Variants in ATRNL1 observed in about 807,000 individuals in gnomAD.
The protein encoded by ATRNL1 is attractin like 1.
In ATRNL1, 95 loss-of-function variants were observed where a neutral mutation model predicts 182.7. The ratio of observed to expected loss-of-function variants is 0.52; its 90% confidence interval spans 0.44 to 0.62. The LOEUF (loss-of-function observed/expected upper bound fraction) is 0.62. Ranked by LOEUF, ATRNL1 falls within the 20% of genes least tolerant of loss-of-function variation. The pLI, the probability that ATRNL1 is intolerant of heterozygous loss-of-function variation, is 0.00. For missense variants in ATRNL1, 1,471 were observed against 1,679.5 expected, an observed-to-expected ratio of 0.88 and a Z score of 2.17; for synonymous variants, 576 against 568.3, an observed-to-expected ratio of 1.01 and a Z score of -0.19.
intron 24 of ATRNL1, among the ~76,000 whole-genome samples, chr10:115,515,720 A>G (rs1850602941): frequency 6.6e-6 from 1 of 151,786 alleles, no homozygotes; most frequent in Admixed American, 6.6e-5. Flanking sequence ...AATGTTCCAC[A>G]TTCTCCTTAT....
At chr10:115,134,727 A>C (rs183495521) in intron 5 of ATRNL1, among the ~76,000 whole-genome samples, 38 of 152,306 alleles carry the variant, frequency 2.5e-4, no homozygotes, top group African/African-American at 8.2e-4. Context: ...GCAGAGACAC[A>C]ACAAAAAAAG....
At chr10:115,311,467 G>A (rs1017558162) in intron 17 of ATRNL1, among the ~76,000 whole-genome samples, 12 of 152,120 alleles carry the variant, frequency 7.9e-5, no homozygotes, top group African/African-American at 1.4e-4. Flanking sequence ...GATTACAGGC[G>A]TGAGCCACTG....
intron 21 of ATRNL1, among the ~76,000 whole-genome samples, chr10:115,459,058 A>G (rs1554969237): frequency 3.9e-5 from 6 of 152,164 alleles, no homozygotes; most frequent in Non-Finnish European, 1.5e-5. Flanking sequence ...TAAATTGTAA[A>G]GATTTCATGG....
intron 26 of ATRNL1, among the ~76,000 whole-genome samples, chr10:115,726,920 T>C (rs1947615893): frequency 6.6e-6 from 1 of 152,068 alleles, no homozygotes; most frequent in African/African-American, 2.4e-5. Context: ...AAATTTGGCA[T>C]AGCCATCACT....
At chr10:115,539,514 C>T (rs527462480) in intron 25 of ATRNL1, among the ~76,000 whole-genome samples, 1 of 152,232 alleles carries the variant, frequency 6.6e-6, no homozygotes, top group South Asian at 2.1e-4. Flanking sequence ...CTTTAGTGCC[C>T]CCTGACCTGA....
At chr10:115,936,269 A>G (rs1589716483) in intron 28 of ATRNL1, among the ~76,000 whole-genome samples, 1 of 152,186 alleles carries the variant, frequency 6.6e-6, no homozygotes, top group East Asian at 1.9e-4. Context: ...GCGTTTTTTA[A>G]GCCCTTTACA....
intron 10 of ATRNL1, among the ~76,000 whole-genome samples, chr10:115,248,766 G>A (rs996754125): frequency 2.6e-5 from 4 of 151,966 alleles, no homozygotes; most frequent in Admixed American, 6.6e-5. Flanking sequence ...TTGAAGTAGG[G>A]AGCCAAAAAA....
chr10:115,549,268 A>T (rs1014678872), intron 25 of ATRNL1, among the ~76,000 whole-genome samples, 190 bp from the exon 26 acceptor site: 3 of 151,952 alleles, frequency 2.0e-5, no homozygotes, highest in African/African-American at 7.2e-5. Flanking sequence ...AAATATAAAT[A>T]TTTTTTCTAC....
chr10:115,362,818 A>G (rs1285980823), intron 19 of ATRNL1, among the ~76,000 whole-genome samples: 3 of 151,174 alleles, frequency 2.0e-5, no homozygotes, highest in East Asian at 1.9e-4. Flanking sequence ...ATGATTTCCA[A>G]TTTCATCCAT....
chr10:115,370,944 G>A (rs1857362369), intron 19 of ATRNL1, among the ~76,000 whole-genome samples: 1 of 152,160 alleles, frequency 6.6e-6, no homozygotes, highest in African/African-American at 2.4e-5. Context: ...TCCCTCTGCT[G>A]TGTCCAGTCT....
chr10:115,258,676 C>A (rs1416082094), intron 10 of ATRNL1, among the ~76,000 whole-genome samples: 2 of 152,080 alleles, frequency 1.3e-5, no homozygotes, highest in African/African-American at 2.4e-5. Flanking sequence ...GAGCTGTGAT[C>A]CTTTGGAGGA....
chr10:115,194,383 A>G (rs952508549), intron 8 of ATRNL1, among the ~76,000 whole-genome samples: 1 of 151,986 alleles, frequency 6.6e-6, no homozygotes, highest in Non-Finnish European at 1.5e-5. Context: ...CCAGTGGTAC[A>G]TATAGATTTA....
intron 27 of ATRNL1, among the ~76,000 whole-genome samples, chr10:115,784,184 A>G (rs1479374169): frequency 1.3e-5 from 2 of 152,232 alleles, no homozygotes; most frequent in South Asian, 2.1e-4. Flanking sequence ...TAAAACTTCA[A>G]TGAGACTCTG....
chr10:115,793,743 T>G lies in ATRNL1; in HGVS notation c.3904-54134T>G, dbSNP rs1949584702. 2.6e-5 allele frequency among the ~76,000 whole-genome samples: 4 copies of G among 152,132 alleles called. No individual in the cohort carries two copies. In the South Asian group the frequency reaches 8.3e-4, roughly 32 times the overall value. On this transcript the variant is annotated intron_variant, in intron 27 of 28. Transcript: ENST00000355044. The stretch of plus-strand genomic sequence containing the variant: ...ACACCTTGGACCAATAGAAACTGAA[T>G]TAAGTTTTAAAACTACGATGAATAA...
At chr10:115,164,369 A>G (rs1364205891) in intron 6 of ATRNL1, among the ~76,000 whole-genome samples, 2 of 152,184 alleles carry the variant, frequency 1.3e-5, no homozygotes, top group African/African-American at 2.4e-5. Flanking sequence ...ATATAATGCT[A>G]AGATAAGTGT....
chr10:115,688,545 G>C (rs539783559), intron 26 of ATRNL1, among the ~76,000 whole-genome samples: 9 of 152,098 alleles, frequency 5.9e-5, no homozygotes, highest in African/African-American at 2.2e-4. Context: ...TTTTGATTTG[G>C]ATTTTCCTGA....
At chr10:115,930,585 T>G (rs1316837090) in intron 28 of ATRNL1, among the ~76,000 whole-genome samples, 1 of 152,210 alleles carries the variant, frequency 6.6e-6, no homozygotes, top group Non-Finnish European at 1.5e-5. Context: ...ACTGGGTCAA[T>G]TTTGGTCACA....
chr10:115,353,159 G>A (rs1856342972), intron 19 of ATRNL1, among the ~76,000 whole-genome samples: 1 of 152,148 alleles, frequency 6.6e-6, no homozygotes, highest in Admixed American at 6.5e-5. Context: ...TGTTGAAAGT[G>A]GGTGTTGAAG....
At chr10:115,311,921 C>A (rs1854054129) in intron 17 of ATRNL1, among the ~76,000 whole-genome samples, 1 of 151,384 alleles carries the variant, frequency 6.6e-6, no homozygotes, top group Non-Finnish European at 1.5e-5. Flanking sequence ...ACAAGAATAC[C>A]TACTCCTGCT....
Sources: allele counts gnomAD v4.1 joint callset (sites outside exome capture counted in the v4.1 genomes callset), GRCh38; gene constraint gnomAD v4.1.1; transcripts MANE v1.5; gene names NCBI Gene and HGNC (gene_info 2026-07-23, HGNC 2026-07-21).